NKAIN2: variants seen among roughly 807,000 people sequenced by gnomAD.
NKAIN2 encodes the protein sodium/potassium-transporting ATPase subunit beta-1-interacting protein 2.
NKAIN2 carries 14 observed loss-of-function variants against 32.6 expected under a neutral mutation model. The observed-to-expected ratio is 0.43, with a 90% CI of 0.28 to 0.67. The LOEUF is 0.67. NKAIN2 is among the 30% of genes least tolerant of loss of function. The probability of loss-of-function intolerance (pLI) is 0.17; values close to 1 mark genes in which losing one functional copy is unlikely to be tolerated. For synonymous variants in NKAIN2, 80 were observed against 87.2 expected (o/e 0.92, Z 0.46); for missense variants, 198 against 258.3 (o/e 0.77, Z 1.60).
chr6:124,530,566 G>A, intron 3 of NKAIN2, among the ~76,000 whole-genome samples: 1 of 152,126 alleles, frequency 6.6e-6, no homozygotes, highest in East Asian at 1.9e-4. Flanking sequence ...AGCTGTGCAA[G>A]GGTCAACTGT....
intron 4 of NKAIN2, among the ~76,000 whole-genome samples, chr6:124,697,649 T>C (rs936737319): frequency 7.2e-5 from 11 of 152,212 alleles, no homozygotes; most frequent in Non-Finnish European, 1.6e-4. Flanking sequence ...CATTTGTTTT[T>C]TACTTGCAGC....
intron 1 of NKAIN2, among the ~76,000 whole-genome samples, chr6:124,104,368 T>A (rs1785022384): frequency 1.3e-5 from 2 of 152,284 alleles, no homozygotes; most frequent in South Asian, 4.1e-4. Flanking sequence ...TAGTTGATGA[T>A]GATGATGATA....
At chr6:124,108,248 A>G (rs1406614047) in intron 1 of NKAIN2, among the ~76,000 whole-genome samples, 1 of 151,972 alleles carries the variant, frequency 6.6e-6, no homozygotes, top group Non-Finnish European at 1.5e-5. Flanking sequence ...ATAGGTTTTA[A>G]TTTACCTTTC....
At chr6:124,393,914 G>C (rs1331616506) in intron 3 of NKAIN2, among the ~76,000 whole-genome samples, 1 of 152,128 alleles carries the variant, frequency 6.6e-6, no homozygotes, top group Non-Finnish European at 1.5e-5. Flanking sequence ...ACAAGTGAGG[G>C]AATGAAGACC....
intron 1 of NKAIN2, among the ~76,000 whole-genome samples, chr6:124,183,330 A>T (rs1789543207): frequency 6.6e-6 from 1 of 152,136 alleles, no homozygotes; most frequent in Admixed American, 6.6e-5. Flanking sequence ...TATTTTGTTT[A>T]TATTACACTT....
chr6:124,506,179 T>TAA (rs57951162), intron 3 of NKAIN2, among the ~76,000 whole-genome samples: 21 of 147,374 alleles, frequency 1.4e-4, no homozygotes, highest in East Asian at 4.0e-4. Context: ...AGACTCCGTC[T>TAA]AAAAAAAAAA....
chr6:124,096,284 G>A (rs559132380), intron 1 of NKAIN2, among the ~76,000 whole-genome samples: 1 of 151,956 alleles, frequency 6.6e-6, no homozygotes, highest in African/African-American at 2.4e-5. Context: ...TCTTTTCTTT[G>A]TTGAGATCTA....
At chr6:124,767,467 CT>C (rs1778561969) in intron 4 of NKAIN2, among the ~76,000 whole-genome samples, 1 of 152,068 alleles carries the variant, frequency 6.6e-6, no homozygotes, top group African/African-American at 2.4e-5. Context: ...TACCTTTACT[CT>C]TAAGATGGGG....
intron 3 of NKAIN2, among the ~76,000 whole-genome samples, chr6:124,602,822 A>G (rs9491199): frequency 0.1 from 15,514 of 151,870 alleles, 863 homozygotes; most frequent in South Asian, 0.23. Context: ...TTCGTTTTCC[A>G]CAAGTAGCAT....
intron 1 of NKAIN2, among the ~76,000 whole-genome samples, chr6:124,090,176 G>C (rs1247247481): frequency 2.0e-5 from 3 of 152,000 alleles, no homozygotes; most frequent in Admixed American, 2.0e-4. Flanking sequence ...TTTTAGAAGA[G>C]TGTTTTAGTA....
chr6:123,951,086 T>C (rs182662156), intron 1 of NKAIN2, among the ~76,000 whole-genome samples: 9 of 152,176 alleles, frequency 5.9e-5, no homozygotes, highest in Admixed American at 3.9e-4. Flanking sequence ...GTTCCTCTTA[T>C]TGATTTCTAG....
At chr6:123,807,684 A>G (rs1376771373) in intron 1 of NKAIN2, among the ~76,000 whole-genome samples, 1 of 152,150 alleles carries the variant, frequency 6.6e-6, no homozygotes, top group Non-Finnish European at 1.5e-5. Flanking sequence ...AACTTAATTT[A>G]GACTGAAAGG....
At chr6:124,237,077 C>T (rs951067952) in intron 1 of NKAIN2, among the ~76,000 whole-genome samples, 25 of 152,202 alleles carry the variant, frequency 1.6e-4, no homozygotes, top group Non-Finnish European at 4.4e-5. Context: ...AGGGAACCGA[C>T]GATCATTGAG....
At chr6:124,739,652 A>C (rs1490531403) in intron 4 of NKAIN2, among the ~76,000 whole-genome samples, 1 of 151,830 alleles carries the variant, frequency 6.6e-6, no homozygotes, top group Non-Finnish European at 1.5e-5. Flanking sequence ...CATGAAAAGG[A>C]AGGAAGAGGC....
At chr6:124,635,788 T>A (rs1783751709) in intron 3 of NKAIN2, among the ~76,000 whole-genome samples, 1 of 151,948 alleles carries the variant, frequency 6.6e-6, no homozygotes, top group Non-Finnish European at 1.5e-5. Flanking sequence ...CCCAGATACA[T>A]AAAGCAAATA....
At chr6:124,544,100 A>C (rs1433358369) in intron 3 of NKAIN2, among the ~76,000 whole-genome samples, 1 of 152,160 alleles carries the variant, frequency 6.6e-6, no homozygotes, top group Non-Finnish European at 1.5e-5. Flanking sequence ...AACTACATGT[A>C]GGCCATTAGG....
intron 1 of NKAIN2, among the ~76,000 whole-genome samples, chr6:123,854,015 C>T (rs981885300): frequency 2.0e-5 from 3 of 152,176 alleles, no homozygotes; most frequent in Admixed American, 6.5e-5. Context: ...TCAGGTGCTC[C>T]GCCTGCCTTG....
intron 4 of NKAIN2, among the ~76,000 whole-genome samples, chr6:124,781,145 G>T (rs1002192141): frequency 9.9e-5 from 15 of 152,140 alleles, no homozygotes; most frequent in Non-Finnish European, 1.8e-4. Context: ...TGTTCCCTTT[G>T]CTTGAGAGTA....
intron 1 of NKAIN2, among the ~76,000 whole-genome samples, chr6:124,178,498 C>A (rs1009018875): frequency 6.6e-6 from 1 of 151,976 alleles, no homozygotes; most frequent in African/African-American, 2.4e-5. Flanking sequence ...GGGGTTTCAC[C>A]GTGTTAGCCA....
Sources: gnomAD v4.1 joint callset for allele counts (sites outside exome capture counted in the v4.1 genomes callset) on GRCh38, gnomAD v4.1.1 for gene constraint, MANE v1.5 for transcripts, NCBI Gene and HGNC (gene_info 2026-07-23, HGNC 2026-07-21) for gene names.